Variants in DICER1 observed in about 807,000 individuals in gnomAD.
DICER1 encodes endoribonuclease Dicer.
DICER1 carries 43 observed loss-of-function variants against 194.1 expected under a neutral mutation model. The observed-to-expected ratio is 0.22, with a 90% confidence interval of 0.17 to 0.29. The LOEUF is 0.29. Ranked by LOEUF, DICER1 falls within the 10% of genes least tolerant of loss-of-function variation. DICER1 has a pLI of 1.00. For missense variants in DICER1, 1,608 were observed against 2,317.0 expected, an observed-to-expected ratio of 0.69 and a Z score of 6.28; for synonymous variants, 832 against 820.5, an observed-to-expected ratio of 1.01 and a Z score of -0.24.
At chr14:95,115,645 C>T (rs2140111971) in intron 11 of DICER1, 22 bp downstream of exon 11, 1 of 1,613,808 alleles carries the variant, frequency 6.2e-7, no homozygotes. Context: ...AGGTTTTCCA[C>T]ACAAATGATA....
intron 12 of DICER1, 21 bp downstream of exon 12, chr14:95,113,071 C>T: frequency 1.2e-6 from 2 of 1,611,486 alleles, no homozygotes; most frequent in Non-Finnish European, 1.7e-6. Context: ...AGATAACAAT[C>T]ATTTCTTCTT....
chr14:95,134,324 T>G (rs776511135), intron 1 of DICER1: 3 of 152,244 alleles, frequency 2.0e-5, no homozygotes, highest in Admixed American at 6.5e-5. Context: ...AATTTGATTA[T>G]GTAAAATGAT....
At position 95,094,092 on chromosome 14, in the gene DICER1, A is replaced by G. The variant is rs1555366933; in HGVS notation, c.5160T>C (p.Leu1720=). ...AILDYLITKH[L]YEDPRQHSPG... The stretch of plus-strand genomic sequence containing the variant: ...GGGAGTGCTGCCGCGGGTCTTCATA[A>G]AGGTGCTTGGTTATGAGGTAGTCCA... Residue 1720 remains leucine (L), a synonymous_variant, in exon 24 of 27, where the codon CTT becomes CTC. Transcript: ENST00000343455. The G allele has an allele frequency of 1.9e-6, 3 of 1,614,084 alleles. No individual in the cohort carries two copies. Among genetic ancestry groups the G allele is most frequent in the Non-Finnish European group, 2.5e-6 (3 of 1,180,020 alleles).
intron 11 of DICER1, among the ~76,000 whole-genome samples, chr14:95,114,288 T>C (rs1892241912): frequency 6.6e-6 from 1 of 152,192 alleles, no homozygotes; most frequent in Admixed American, 6.5e-5. Flanking sequence ...AATAGTGAGA[T>C]GTTAAAAAGA....
At chr14:95,138,895 C>T (rs1327336010) in intron 1 of DICER1, among the ~76,000 whole-genome samples, 1 of 148,392 alleles carries the variant, frequency 6.7e-6, no homozygotes, top group Non-Finnish European at 1.5e-5. Flanking sequence ...TGCAGCGCAC[C>T]AGCATGGCAC....
chr14:95,134,196 T>C (rs1471038509), intron 1 of DICER1, among the ~76,000 whole-genome samples: 8 of 152,230 alleles, frequency 5.3e-5, no homozygotes, highest in Admixed American at 5.2e-4. Context: ...TAAATATGTA[T>C]CTTTAAAATT....
chr14:95,132,343 G>GA (rs1255733969), intron 3 of DICER1, among the ~76,000 whole-genome samples, 172 bp downstream of exon 3: 2 of 152,168 alleles, frequency 1.3e-5, no homozygotes. Context: ...ACATTTAAGA[G>GA]AAACAGCAAA....
intron 1 of DICER1, among the ~76,000 whole-genome samples, chr14:95,139,156 A>G (rs1322291308): frequency 1.3e-5 from 2 of 152,180 alleles, no homozygotes; most frequent in Admixed American, 6.5e-5. Context: ...TTTCAATCCT[A>G]TGTGCTCAAT....
chr14:95,098,875 C>T (rs975556384), intron 22 of DICER1, among the ~76,000 whole-genome samples: 3 of 151,940 alleles, frequency 2.0e-5, no homozygotes, highest in Admixed American at 6.6e-5. Context: ...GGTAAAAATC[C>T]AAATAGTGTC....
At chr14:95,092,147 C>T (rs977597841) in intron 24 of DICER1, among the ~76,000 whole-genome samples, 5 of 152,146 alleles carry the variant, frequency 3.3e-5, no homozygotes, top group African/African-American at 9.7e-5. Flanking sequence ...TGTTGACTAG[C>T]GTGTGGCCCC....
intron 8 of DICER1, 39 bp from the exon 9 acceptor site, chr14:95,117,793 GA>G: frequency 6.2e-7 from 1 of 1,603,896 alleles, no homozygotes. Context: ...AAACGTTGCT[GA>G]AAGAAAATAA....
At chr14:95,141,158 C>T (rs1213895735) in intron 1 of DICER1, 1 of 152,150 alleles carries the variant, frequency 6.6e-6, no homozygotes, top group Non-Finnish European at 1.5e-5. Context: ...ACGTACTTGG[C>T]TGAGAAATCC....
chr14:95,087,282 T>C lies in DICER1; in HGVS notation c.*3216A>G, dbSNP rs1302133508. On this transcript the variant is annotated 3_prime_UTR_variant, in exon 27 of 27. Coordinates refer to ENST00000343455, the MANE Select transcript of DICER1 (RefSeq NM_177438.3). ...AAAATATCAGTATTTTAAAAGACAATTACAGGAGTGTTAGAGGTCATTCTA... is the reference window on the plus strand; with the variant it reads ...AAAATATCAGTATTTTAAAAGACAACTACAGGAGTGTTAGAGGTCATTCTA... The C allele has an allele frequency of 4.3e-6, 1 of 233,108 alleles. No individual in the cohort carries two copies. Among genetic ancestry groups the C allele is most frequent in the Non-Finnish European group, 8.5e-6 (1 of 117,870 alleles). The allele number at this position is 233,108 out of a possible 1,614,324, so 14.4% of individuals were successfully genotyped here.
intron 20 of DICER1, 83 bp from the exon 21 acceptor site, chr14:95,104,209 A>G: frequency 8.4e-7 from 1 of 1,190,696 alleles, no homozygotes; most frequent in East Asian, 2.5e-5. Context: ...TTTAAAAACA[A>G]AAACAAAGAT....
chr14:95,098,409 A>G (rs530846740), intron 22 of DICER1, among the ~76,000 whole-genome samples: 2 of 152,356 alleles, frequency 1.3e-5, no homozygotes, highest in African/African-American at 4.8e-5. Flanking sequence ...ACCACAGTGT[A>G]TCTTTTCAAT....
chr14:95,144,361 A>G (rs1424380739), intron 1 of DICER1, among the ~76,000 whole-genome samples: 1 of 151,988 alleles, frequency 6.6e-6, no homozygotes, highest in African/African-American at 2.4e-5. Flanking sequence ...TCTTAATGCC[A>G]GCAAGCAGTT....
At chr14:95,109,603 T>C (rs188595668) in intron 14 of DICER1, among the ~76,000 whole-genome samples, 77 of 152,364 alleles carry the variant, frequency 5.1e-4, no homozygotes, top group African/African-American at 1.8e-3. Context: ...CGTGAAAATT[T>C]GGTATGAGGA....
intron 12 of DICER1, among the ~76,000 whole-genome samples, 166 bp downstream of exon 12, chr14:95,112,926 A>T (rs1173888582): frequency 2.6e-5 from 4 of 152,222 alleles, no homozygotes. Context: ...TTTGAAAGTA[A>T]ATTTGGTTTT....
chr14:95,118,536 C>A (rs767834816), intron 8 of DICER1, among the ~76,000 whole-genome samples: 14 of 152,152 alleles, frequency 9.2e-5, no homozygotes, highest in Non-Finnish European at 1.8e-4. Flanking sequence ...CTGTATTAAC[C>A]CACAGTGCCT....
Sources: gnomAD v4.1 joint callset for allele counts (sites outside exome capture counted in the v4.1 genomes callset) on GRCh38, gnomAD v4.1.1 for gene constraint, MANE v1.5 for transcripts, NCBI Gene and HGNC (gene_info 2026-07-23, HGNC 2026-07-21) for gene names.